The following PTPRD variants were observed in gnomAD, a reference collection of about 807,000 sequenced individuals.
The protein encoded by PTPRD is protein tyrosine phosphatase receptor type D, also known as receptor-type tyrosine-protein phosphatase delta.
PTPRD carries 34 observed loss-of-function variants against 214.5 expected under a neutral mutation model. The observed-to-expected ratio is 0.16, with a 90% CI of 0.12 to 0.21. The LOEUF is 0.21. Ranked by LOEUF, PTPRD falls within the 10% of genes least tolerant of loss-of-function variation. The pLI is 1.00. For missense variants in PTPRD, 2,545 were observed against 2,398.7 expected, an observed-to-expected ratio of 1.06 and a Z score of -1.27; for synonymous variants, 1,128 against 845.7, an observed-to-expected ratio of 1.33 and a Z score of -5.79.
At position 9,483,120 on chromosome 9, in the gene PTPRD, A is replaced by G. The variant is rs561103294; in HGVS notation, c.-236-85638T>C. ...TATCTAAGAATAAGATCTATCCTTT[A>G]AAAGCATTGTGGTACAATAAATGCT... is the stretch of plus-strand genomic sequence containing the variant. On this transcript the variant is annotated intron_variant, in intron 8 of 45. Coordinates refer to ENST00000381196, the MANE Select transcript of PTPRD (RefSeq NM_002839.4). Among the ~76,000 whole-genome samples the G allele has an allele frequency of 2.0e-5, 3 of 152,272 alleles. No individual in the cohort carries two copies. In the South Asian group the frequency reaches 6.2e-4, roughly 32 times the overall value.
intron 5 of PTPRD, among the ~76,000 whole-genome samples, chr9:9,850,109 C>G (rs1014243142): frequency 1.3e-5 from 2 of 152,122 alleles, no homozygotes; most frequent in Non-Finnish European, 2.9e-5. Flanking sequence ...ATCCACCACC[C>G]AAATCACTTA....
At chr9:8,786,501 C>T (rs2095980233) in intron 11 of PTPRD, among the ~76,000 whole-genome samples, 1 of 148,712 alleles carries the variant, frequency 6.7e-6, no homozygotes, top group South Asian at 2.1e-4. Context: ...ACCTTCGCTT[C>T]CCGGGTTCAA....
At chr9:9,607,557 T>G (rs1364521991) in intron 7 of PTPRD, among the ~76,000 whole-genome samples, 1 of 152,132 alleles carries the variant, frequency 6.6e-6, no homozygotes, top group African/African-American at 2.4e-5. Flanking sequence ...AGTTTATATG[T>G]CTTCTTTATC....
intron 2 of PTPRD, among the ~76,000 whole-genome samples, chr9:10,420,440 C>T (rs2098535325): frequency 6.6e-6 from 1 of 151,762 alleles, no homozygotes; most frequent in Non-Finnish European, 1.5e-5. Context: ...TTAGGGGAGA[C>T]ATAGAGATTG....
chr9:10,181,909 G>A (rs575528387), intron 3 of PTPRD, among the ~76,000 whole-genome samples: 2 of 116,230 alleles, frequency 1.7e-5, no homozygotes, highest in East Asian at 5.3e-4. Flanking sequence ...AGACAGAAAA[G>A]CTTTCTTAAA....
At chr9:8,904,389 A>C (rs776223793) in intron 11 of PTPRD, among the ~76,000 whole-genome samples, 2 of 152,194 alleles carry the variant, frequency 1.3e-5, no homozygotes, top group Non-Finnish European at 2.9e-5. Context: ...GTCACACATT[A>C]GGCCAGATGC....
chr9:9,994,742 G>C (rs2096065235), intron 4 of PTPRD, among the ~76,000 whole-genome samples: 1 of 152,060 alleles, frequency 6.6e-6, no homozygotes, highest in Admixed American at 6.5e-5. Flanking sequence ...CAAATGTTTA[G>C]CTAAAATATT....
At chr9:9,221,497 C>A (rs1204059896) in intron 9 of PTPRD, among the ~76,000 whole-genome samples, 1 of 152,044 alleles carries the variant, frequency 6.6e-6, no homozygotes, top group Non-Finnish European at 1.5e-5. Context: ...GCTGGGAAGC[C>A]TGAGATCAAG....
intron 11 of PTPRD, among the ~76,000 whole-genome samples, chr9:8,993,234 T>G (rs539561629): frequency 6.6e-6 from 1 of 152,288 alleles, no homozygotes; most frequent in African/African-American, 2.4e-5. Flanking sequence ...GTCCTCTGTT[T>G]ACAAGCTGTG....
intron 7 of PTPRD, among the ~76,000 whole-genome samples, chr9:9,702,860 G>C (rs910492801): frequency 5.9e-5 from 9 of 152,096 alleles, no homozygotes; most frequent in Non-Finnish European, 1.0e-4. Context: ...AGAATAACAA[G>C]ATCTTAACAT....
intron 32 of PTPRD, among the ~76,000 whole-genome samples, chr9:8,461,808 CT>C (rs996157525): frequency 7.2e-5 from 11 of 151,796 alleles, no homozygotes; most frequent in Admixed American, 3.3e-4. Flanking sequence ...GACAAACATT[CT>C]TTTTTTAAAA....
intron 11 of PTPRD, among the ~76,000 whole-genome samples, chr9:8,815,127 C>G (rs967956943): frequency 5.7e-5 from 8 of 141,328 alleles, no homozygotes; most frequent in African/African-American, 2.2e-4. Context: ...TTTTCATTTT[C>G]TCTTCATTTT....
At chr9:8,483,748 C>T (rs2096938907) in intron 30 of PTPRD, among the ~76,000 whole-genome samples, 2 of 152,154 alleles carry the variant, frequency 1.3e-5, no homozygotes, top group South Asian at 4.1e-4. Flanking sequence ...CACTGCACTC[C>T]AGCCTGGGTG....
At chr9:9,848,364 T>C (rs1293575997) in intron 5 of PTPRD, among the ~76,000 whole-genome samples, 3 of 152,108 alleles carry the variant, frequency 2.0e-5, no homozygotes, top group African/African-American at 4.8e-5. Flanking sequence ...GGGCCAGAAA[T>C]GCATTTCAAA....
chr9:10,006,288 C>A (rs758310202), intron 4 of PTPRD, among the ~76,000 whole-genome samples: 2 of 151,996 alleles, frequency 1.3e-5, no homozygotes, highest in Non-Finnish European at 2.9e-5. Context: ...AAGCCTTTGA[C>A]AATGTGACTA....
chr9:9,369,520 A>T (rs1269422059), intron 9 of PTPRD, among the ~76,000 whole-genome samples: 17 of 152,158 alleles, frequency 1.1e-4, no homozygotes. Context: ...GCCTTTTGTC[A>T]GATGGGTAGA....
At chr9:9,014,205 T>G (rs1376497320) in intron 11 of PTPRD, among the ~76,000 whole-genome samples, 1 of 150,354 alleles carries the variant, frequency 6.7e-6, no homozygotes, top group African/African-American at 2.4e-5. Context: ...GTTTGTTTTT[T>G]TTTTTTTTCT....
chr9:10,127,600 T>C (rs2098829359), intron 3 of PTPRD, among the ~76,000 whole-genome samples: 1 of 152,140 alleles, frequency 6.6e-6, no homozygotes, highest in Admixed American at 6.5e-5. Context: ...ATACTGTAAT[T>C]ATTTATTAAT....
chr9:10,002,872 C>T (rs557818416), intron 4 of PTPRD, among the ~76,000 whole-genome samples: 2 of 151,542 alleles, frequency 1.3e-5, no homozygotes, highest in African/African-American at 4.8e-5. Context: ...TAGCCGAATA[C>T]ACAATCTTCT....
Sources: allele counts gnomAD v4.1 joint callset (sites outside exome capture counted in the v4.1 genomes callset), GRCh38; gene constraint gnomAD v4.1.1; transcripts MANE v1.5; gene names NCBI Gene and HGNC (gene_info 2026-07-23, HGNC 2026-07-21).